JAZF1: variants seen among roughly 807,000 people sequenced by gnomAD.
JAZF1 encodes the protein juxtaposed with another zinc finger protein 1.
JAZF1 carries 8 observed loss-of-function variants against 26.4 expected under a neutral mutation model. The observed-to-expected ratio is 0.30, with a 90% CI of 0.18 to 0.55. JAZF1 has a LOEUF of 0.55. JAZF1 is among the 20% of genes least tolerant of loss of function. The pLI is 0.94. For synonymous variants in JAZF1, 126 were observed against 122.3 expected (o/e 1.03, Z -0.20); for missense variants, 199 against 322.0 (o/e 0.62, Z 2.92).
At chr7:27,980,572 A>T (rs950417926) in intron 2 of JAZF1, among the ~76,000 whole-genome samples, 22 of 152,258 alleles carry the variant, frequency 1.4e-4, no homozygotes, top group African/African-American at 4.6e-4. Context: ...ATTGCCAAAG[A>T]AAGTTTCATT....
At chr7:27,923,310 T>C (rs7791093) in intron 2 of JAZF1, among the ~76,000 whole-genome samples, 53,160 of 151,996 alleles carry the variant, frequency 0.35, 10,165 homozygotes, top group Middle Eastern at 0.45. Context: ...AACCCGAAAT[T>C]AAAACGTCGA....
At chr7:28,156,813 T>C (rs1007558304) in intron 1 of JAZF1, among the ~76,000 whole-genome samples, 18 of 152,146 alleles carry the variant, frequency 1.2e-4, no homozygotes, top group Non-Finnish European at 1.8e-4. Context: ...AAATTTAAAT[T>C]CAGATCCTAG....
chr7:27,841,541 G>A (rs904435712), intron 3 of JAZF1: 15 of 152,200 alleles, frequency 9.9e-5, no homozygotes, highest in African/African-American at 2.4e-4. Context: ...CCCTACACAC[G>A]CAGTACTAGG....
At chr7:27,992,756 G>A (rs1363942106) in intron 1 of JAZF1, among the ~76,000 whole-genome samples, 1 of 152,148 alleles carries the variant, frequency 6.6e-6, no homozygotes, top group African/African-American at 2.4e-5. Context: ...GGAAGAAAAT[G>A]AGCACACAAT....
At chr7:28,170,731 G>A (rs1783449827) in intron 1 of JAZF1, among the ~76,000 whole-genome samples, 3 of 152,084 alleles carry the variant, frequency 2.0e-5, no homozygotes, top group Admixed American at 2.0e-4. Flanking sequence ...CAGCCTTTCT[G>A]TATTTATTTC....
At chr7:28,014,683 C>T (rs1036176866) in intron 1 of JAZF1, among the ~76,000 whole-genome samples, 37 of 152,248 alleles carry the variant, frequency 2.4e-4, no homozygotes, top group African/African-American at 6.7e-4. Flanking sequence ...GCCCAGTCTT[C>T]GGTATGTCTT....
At chr7:27,897,278 G>C (rs892882881) in intron 2 of JAZF1, among the ~76,000 whole-genome samples, 1 of 152,094 alleles carries the variant, frequency 6.6e-6, no homozygotes, top group Non-Finnish European at 1.5e-5. Context: ...ACATGCTTAT[G>C]GGGGTAGAAA....
intron 2 of JAZF1, among the ~76,000 whole-genome samples, chr7:27,976,716 C>T (rs1435920301): frequency 1.3e-5 from 2 of 151,846 alleles, no homozygotes; most frequent in South Asian, 2.1e-4. Flanking sequence ...AAAAAGTCAT[C>T]GCTTTTAGAT....
chr7:27,894,351 G>A (rs1784023614), intron 3 of JAZF1, among the ~76,000 whole-genome samples: 2 of 152,186 alleles, frequency 1.3e-5, no homozygotes, highest in South Asian at 4.1e-4. Flanking sequence ...AGTTTCTTGA[G>A]ACATGTAAGT....
intron 1 of JAZF1, among the ~76,000 whole-genome samples, chr7:28,066,196 T>G (rs939427680): frequency 1.3e-5 from 2 of 152,178 alleles, no homozygotes; most frequent in Admixed American, 6.5e-5. Flanking sequence ...AACAAATCTC[T>G]AAGGCTACGG....
At chr7:28,083,220 C>T (rs973872133) in intron 1 of JAZF1, among the ~76,000 whole-genome samples, 1 of 152,142 alleles carries the variant, frequency 6.6e-6, no homozygotes, top group Admixed American at 6.5e-5. Context: ...AGCCCTTGTG[C>T]CTCAAGTGTA....
chr7:28,044,445 C>T (rs1025088047), intron 1 of JAZF1, among the ~76,000 whole-genome samples: 1 of 152,152 alleles, frequency 6.6e-6, no homozygotes, highest in African/African-American at 2.4e-5. Context: ...ATGGACTGGA[C>T]ATCCCATAGT....
At chr7:27,902,520 A>G (rs1004386380) in intron 2 of JAZF1, among the ~76,000 whole-genome samples, 2 of 152,184 alleles carry the variant, frequency 1.3e-5, no homozygotes, top group African/African-American at 4.8e-5. Flanking sequence ...TCCCTGATCC[A>G]TGCCCTGCTA....
At chr7:28,067,915 T>G (rs1224167401) in intron 1 of JAZF1, among the ~76,000 whole-genome samples, 2 of 152,148 alleles carry the variant, frequency 1.3e-5, no homozygotes, top group African/African-American at 4.8e-5. Context: ...GTAGTTTTTT[T>G]CGTTTGTTTG....
intron 1 of JAZF1, among the ~76,000 whole-genome samples, chr7:28,003,756 C>A (rs569168404): frequency 2.0e-5 from 3 of 152,194 alleles, no homozygotes; most frequent in African/African-American, 7.2e-5. Flanking sequence ...TCACATTTAC[C>A]TGAAACCTAC....
intron 2 of JAZF1, among the ~76,000 whole-genome samples, chr7:27,913,790 T>C (rs954335654): frequency 5.9e-5 from 9 of 152,168 alleles, no homozygotes; most frequent in Non-Finnish European, 1.0e-4. Flanking sequence ...CTTTCACTCT[T>C]AGTGAGTTGT....
rs185412575 is a variant in JAZF1, at chr7:27,970,466, C to A, written c.188+21443G>T. 1.4e-3 allele frequency among the ~76,000 whole-genome samples: 205 copies of A among 151,848 alleles called. 1 individual carries two copies. Among genetic ancestry groups the A allele is most frequent in the Non-Finnish European group, 6.6e-4 (45 of 67,978 alleles). On this transcript the variant is annotated intron_variant, in intron 2 of 4. Coordinates refer to ENST00000283928, the MANE Select transcript of JAZF1 (RefSeq NM_175061.4). ...AACAAAACAAAACAAAACAAAAAAA[C>A]CCCAAAAAACTTACATCATTACTTT...
intron 1 of JAZF1, among the ~76,000 whole-genome samples, chr7:28,065,966 C>T (rs545230134): frequency 6.6e-6 from 1 of 152,210 alleles, no homozygotes; most frequent in East Asian, 1.9e-4. Flanking sequence ...CCAGATGGAT[C>T]GCAAAACTTG....
chr7:28,001,438 T>G (rs768161707), intron 1 of JAZF1, among the ~76,000 whole-genome samples: 20 of 152,104 alleles, frequency 1.3e-4, no homozygotes, highest in Non-Finnish European at 2.6e-4. Context: ...TTTGTCAATA[T>G]AGAGGAATAT....
Sources: gnomAD v4.1 joint callset for allele counts (sites outside exome capture counted in the v4.1 genomes callset) on GRCh38, gnomAD v4.1.1 for gene constraint, MANE v1.5 for transcripts, NCBI Gene and HGNC (gene_info 2026-07-23, HGNC 2026-07-21) for gene names.